Variants in PRRC2A observed in about 807,000 individuals in gnomAD.
PRRC2A encodes proline rich coiled-coil 2A.
A neutral mutation model predicts 224.6 loss-of-function variants in PRRC2A; 59 were observed. That is an observed-to-expected ratio of 0.26 (90% CI 0.21 to 0.33). The LOEUF is 0.33. Ranked by LOEUF, PRRC2A falls within the 10% of genes least tolerant of loss-of-function variation. The pLI is 1.00. For missense variants in PRRC2A, 3,095 were observed against 2,880.7 expected, an observed-to-expected ratio of 1.07 and a Z score of -1.70; for synonymous variants, 1,194 against 1,109.5, an observed-to-expected ratio of 1.08 and a Z score of -1.51.
intron 17 of PRRC2A, 36 bp from the exon 18 acceptor site, chr6:31,633,823 A>G: frequency 6.4e-7 from 1 of 1,559,382 alleles, no homozygotes; most frequent in South Asian, 1.2e-5. Flanking sequence ...TCAGTGGCAG[A>G]GCCAGGCAGA....
Position 31,625,830 on chromosome 6 carries a change from A to G in PRRC2A, c.798A>G (p.Gly266=). Residue 266 remains glycine, a synonymous_variant, in exon 8 of 31, where the codon GGA becomes GGG. Transcript: ENST00000376033. The surrounding 1 kb of genome is among the most constrained non-coding windows in gnomAD (Gnocchi z 4.1). ...PPYLPFPPPY[G]PQGPYRYPTP... ...ATCTCCCGTTCCCTCCGCCCTATGG[A>G]CCCCAGGGGCCTTACCGATACCCCA... is the stretch of plus-strand genomic sequence containing the variant. The G allele has an allele frequency of 6.3e-7, 1 of 1,590,886 alleles. No homozygotes were observed. Among genetic ancestry groups the G allele is most frequent in the Non-Finnish European group, 8.6e-7 (1 of 1,160,094 alleles).
chr6:31,637,410 C>G, intron 30 of PRRC2A, 36 bp from the exon 31 acceptor site: 3 of 1,602,542 alleles, frequency 1.9e-6, no homozygotes, highest in Non-Finnish European at 2.6e-6. Flanking sequence ...TGACCTCTCA[C>G]TGTGACTCAC....
chr6:31,635,102 C>G (rs1022862519), intron 21 of PRRC2A, 30 bp from the exon 22 acceptor site: 2 of 1,609,674 alleles, frequency 1.2e-6, no homozygotes, highest in South Asian at 1.1e-5. Context: ...TTTCCCTCCC[C>G]CAATGCACTT....
At position 31,632,733 on chromosome 6, in the gene PRRC2A, C is replaced by G; in HGVS notation, c.4060C>G (p.Pro1354Ala). ...GCTGACACCCAAGGCTGTGGGAACTCCTGGGGGAGGTGGAGGTGGAGCCGT... is the reference window on the plus strand; with the variant it reads ...GCTGACACCCAAGGCTGTGGGAACTGCTGGGGGAGGTGGAGGTGGAGCCGT... ...VLLTPKAVGTPGGGGGGAVPG... is the reference protein window; with the variant it reads ...VLLTPKAVGTAGGGGGGAVPG... The change falls in exon 16 of 31, where the codon CCT (proline) becomes GCT (alanine). Residue 1354 changes from proline (P) to alanine (A), a missense_variant. Physicochemically the swap from Pro to Ala is conservative, Grantham distance 27. Around this residue, in one of 8 missense-constraint regions of PRRC2A, gnomAD observed 2,001 missense variants for 1,764.9 expected, o/e 1.13. Transcript: ENST00000376033. 1 of 1,613,114 alleles carries G rather than the reference C, an allele frequency of 6.2e-7. No homozygotes were observed. Among genetic ancestry groups the G allele is most frequent in the Non-Finnish European group, 8.5e-7 (1 of 1,180,038 alleles).
chr6:31,632,567 A>G lies in PRRC2A; in HGVS notation c.3894A>G (p.Ala1298=). Residue 1298 remains alanine, a synonymous_variant, in exon 16 of 31, where the codon GCA becomes GCG. Coordinates refer to ENST00000376033, the MANE Select transcript of PRRC2A (RefSeq NM_004638.4). ...TCACAACAGTCACAGTGGCCCCAGC[A>G]CCTCGCCGGGCAGCTGCCAAGTCTC... ...EALTTVTVAP[A]PRRAAAKSPD... is the part of the protein sequence containing the mutation. 6.2e-7 allele frequency: 1 copy of G among 1,612,512 alleles called. No individual in the cohort carries two copies. The highest frequency in any genetic ancestry group is 2.2e-5 in the East Asian group (1 of 44,872).
Position 31,631,327 on chromosome 6 carries a change from C to T in PRRC2A, c.2654C>T (p.Pro885Leu), listed in dbSNP as rs576569336. 7.5e-6 allele frequency: 12 copies of T among 1,604,556 alleles called. No individual in the cohort carries two copies. In the African/African-American group the frequency reaches 9.4e-5, roughly 13 times the overall value. ...CAAACTCCACCACCCAAGAAGGAGC[C>T]CCCTAAGGAGGAGACTGCACAGCTG... ...KIQTPPPKKEPPKEETAQLTG... is the reference protein window; with the variant it reads ...KIQTPPPKKELPKEETAQLTG... The change falls in exon 16 of 31, where the codon CCC becomes CTC. Residue 885 changes from proline to leucine, a missense_variant. Physicochemically the swap from Pro to Leu is moderately conservative, Grantham distance 98 (BLOSUM62 -3). Around this residue, in one of 8 missense-constraint regions of PRRC2A, gnomAD observed 2,001 missense variants for 1,764.9 expected, o/e 1.13. Transcript: ENST00000376033. The surrounding 1 kb of genome is among the most constrained non-coding windows in gnomAD (Gnocchi z 4.5).
Position 31,633,434 on chromosome 6 carries a change from A to G in PRRC2A, c.4375A>G (p.Ser1459Gly). The change falls in exon 17 of 31, where the codon AGT becomes GGT. Residue 1459 changes from serine (S) to glycine (G), a missense_variant. Ser to Gly is a moderately conservative substitution (Grantham distance 56, BLOSUM62 0). Transcript: ENST00000376033. ...GLPLPPPPPS[S>G]SAVFRLDQVI... ...TCCCCTGCCTCCCCCACCTCCCAGCAGTTCTGCTGTCTTCCGCCTGGACCA... is the reference window on the plus strand; with the variant it reads ...TCCCCTGCCTCCCCCACCTCCCAGCGGTTCTGCTGTCTTCCGCCTGGACCA... 1.9e-6 allele frequency: 3 copies of G among 1,613,026 alleles called. No individual in the cohort carries two copies. The highest frequency in any genetic ancestry group is 2.5e-6 in the Non-Finnish European group (3 of 1,179,998).
At chr6:31,622,293 A>C (rs1775377768) in intron 1 of PRRC2A, among the ~76,000 whole-genome samples, 1 of 152,208 alleles carries the variant, frequency 6.6e-6, no homozygotes, top group Admixed American at 6.5e-5. Flanking sequence ...ATAAACAGGG[A>C]ATCTAAAGTG....
rs771204196 is a variant in PRRC2A at position 31,636,427 on chromosome 6, G to A, written c.5835+8G>A. On this transcript the variant is annotated splice_region_variant and intron_variant, in intron 26 of 30. Transcript: ENST00000376033. This position sits in a 1 kb window ranked among gnomAD's most constrained non-coding sequence, Gnocchi z 4.3. ...GACACATCGTTGCTTCAGGTAAGAG[G>A]GGGGCAGGTATTAGATATTGGGGGA... The A allele has an allele frequency of 1.9e-6, 3 of 1,612,854 alleles. No homozygotes were observed. The highest frequency in any genetic ancestry group is 2.5e-6 in the Non-Finnish European group (3 of 1,179,904).
chr6:31,636,097 C>T lies in PRRC2A; in HGVS notation c.5624+48C>T, dbSNP rs750679671. On this transcript the variant is annotated intron_variant, in intron 25 of 30. Transcript: ENST00000376033. This position sits in a 1 kb window ranked among gnomAD's most constrained non-coding sequence, Gnocchi z 4.3. ...CACAGAAGTACTTGGAGATGTGTTT[C>T]GGGGAGAGGGAAGGGGAAGACACAG... is the stretch of plus-strand genomic sequence containing the variant. 83 of 1,575,792 alleles carry T rather than the reference C, an allele frequency of 5.3e-5. No homozygotes were observed. Among genetic ancestry groups the T allele is most frequent in the East Asian group, 4.0e-4 (18 of 44,648 alleles).
In PRRC2A at chr6:31,624,519, G is replaced by A; in HGVS notation, c.460G>A (p.Asp154Asn). 1 of 1,610,984 alleles carries A rather than the reference G, an allele frequency of 6.2e-7. No homozygotes were observed. Among genetic ancestry groups the A allele is most frequent in the Non-Finnish European group, 8.5e-7 (1 of 1,177,146 alleles). ...QASVTHGAHG[D>N]GGRASSLLSR... ...CAGCGTCACCCATGGAGCACATGGA[G>A]ATGGTGAGTGCAGCACTTAATTGGG... Residue 154 changes from aspartate (D) to asparagine (N), a missense_variant, in exon 5 of 31, where the codon GAT becomes AAT. Asp to Asn is a conservative substitution (Grantham distance 23, BLOSUM62 1). Around this residue, in one of 8 missense-constraint regions of PRRC2A, gnomAD observed 287 missense variants for 275.3 expected, o/e 1.04. Coordinates refer to ENST00000376033, the MANE Select transcript of PRRC2A (RefSeq NM_004638.4).
Position 31,627,922 on chromosome 6 carries a change from G to T in PRRC2A, c.1448G>T (p.Arg483Leu). 6.2e-7 allele frequency: 1 copy of T among 1,613,000 alleles called. No individual in the cohort carries two copies. Among genetic ancestry groups the T allele is most frequent in the South Asian group, 1.1e-5 (1 of 91,086 alleles). Reference sequence around the variant, plus strand: ...GAGCGGCGCATGCAAGAAGAGCGCCGGGCAGCCTGTGCTGAGAAGCTCAAG... The same window carrying T: ...GAGCGGCGCATGCAAGAAGAGCGCCTGGCAGCCTGTGCTGAGAAGCTCAAG... ...EEERRMQEER[R>L]AACAEKLKRL... The change falls in exon 12 of 31, where the codon CGG becomes CTG. Residue 483 changes from arginine (R) to leucine (L), a missense_variant. Coordinates refer to ENST00000376033, the MANE Select transcript of PRRC2A (RefSeq NM_004638.4). This position sits in a 1 kb window ranked among gnomAD's most constrained non-coding sequence, Gnocchi z 5.6.
Position 31,637,770 on chromosome 6 carries a change from A to C in PRRC2A, c.*184A>C. 2.3e-6 allele frequency: 1 copy of C among 432,752 alleles called. No homozygotes were observed. The highest frequency in any genetic ancestry group is 3.5e-5 in the East Asian group (1 of 28,550). 26.8% of individuals were successfully genotyped at this position (432,752 alleles called of 1,614,324 possible). A position where few individuals can be genotyped will look rare whatever the true frequency, so the allele number is the denominator to read the frequency against. On this transcript the variant is annotated 3_prime_UTR_variant, in exon 31 of 31. Coordinates refer to ENST00000376033, the MANE Select transcript of PRRC2A (RefSeq NM_004638.4). ...AGTAATAAAAGGATTTAAAAAAAAA[A>C]ACTTCTACAATGATTTGGGGGATGA... is the stretch of plus-strand genomic sequence containing the variant.
chr6:31,632,789 T>A lies in PRRC2A; in HGVS notation c.4116T>A (p.Asp1372Glu). 2 of 1,613,034 alleles carry A rather than the reference T, an allele frequency of 1.2e-6. No homozygotes were observed. Among genetic ancestry groups the A allele is most frequent in the Non-Finnish European group, 1.7e-6 (2 of 1,179,994 alleles). ...GTATTTCAGCCATGTCCCGCGGAGA[T>A]CTGAGCCAGAGAGCCAAGGATTTGA... ...VPGISAMSRG[D>E]LSQRAKDLSK... Residue 1372 changes from aspartate (D) to glutamate (E), a missense_variant, in exon 16 of 31, where the codon GAT becomes GAA. Around this residue, in one of 8 missense-constraint regions of PRRC2A, gnomAD observed 2,001 missense variants for 1,764.9 expected, o/e 1.13. Coordinates refer to ENST00000376033, the MANE Select transcript of PRRC2A (RefSeq NM_004638.4).
In PRRC2A at chr6:31,632,369, G is replaced by T. The variant is rs764973335; in HGVS notation, c.3696G>T (p.Val1232=). ...GAGGCAGCAATGGAGGTAGCAATGTGGGCATGGAAGATGGGGAGCGACCCC... is the reference window on the plus strand; with the variant it reads ...GAGGCAGCAATGGAGGTAGCAATGTTGGCATGGAAGATGGGGAGCGACCCC... The part of the protein sequence containing the change: ...ARGGSNGGSN[V]GMEDGERPRR... Residue 1232 remains valine (V), a synonymous_variant, in exon 16 of 31, where the codon GTG becomes GTT. Transcript: ENST00000376033. The T allele has an allele frequency of 2.5e-6, 4 of 1,612,888 alleles. No homozygotes were observed. The South Asian group carries it at 4.4e-5, about 18-fold the overall frequency.
Position 31,632,545 on chromosome 6 carries a change from C to A in PRRC2A, c.3872C>A (p.Thr1291Lys), listed in dbSNP as rs143791889. 3 of 1,611,296 alleles carry A rather than the reference C, an allele frequency of 1.9e-6. No individual in the cohort carries two copies. ...GCTCCTGGACCTGAGGAGGCCCTCACAACAGTCACAGTGGCCCCAGCACCT... is the reference window on the plus strand; with the variant it reads ...GCTCCTGGACCTGAGGAGGCCCTCAAAACAGTCACAGTGGCCCCAGCACCT... Reference protein sequence around the residue: ...ASAPGPEEALTTVTVAPAPRR... With the variant: ...ASAPGPEEALKTVTVAPAPRR... The change falls in exon 16 of 31, where the codon ACA (threonine) becomes AAA (lysine). Residue 1291 changes from threonine (T) to lysine (K), a missense_variant. Thr to Lys is a moderately conservative substitution (Grantham distance 78, BLOSUM62 -1). Around this residue, in one of 8 missense-constraint regions of PRRC2A, gnomAD observed 2,001 missense variants for 1,764.9 expected, o/e 1.13. Coordinates refer to ENST00000376033, the MANE Select transcript of PRRC2A (RefSeq NM_004638.4).
In PRRC2A at chr6:31,630,133, G is replaced by A. The variant is rs537039887; in HGVS notation, c.2254+288G>A. Among the ~76,000 whole-genome samples, 67 of 152,216 alleles carry A rather than the reference G, an allele frequency of 4.4e-4. 1 individual carries two copies. The highest frequency in any genetic ancestry group is 1.3e-3 in the African/African-American group (56 of 41,528). On this transcript the variant is annotated intron_variant, in intron 14 of 30. Transcript: ENST00000376033. ...GGAGTTCGAGACCACCATGGCTAAC[G>A]TGGTAAAACCCCATTTCTACTAAAA... is the stretch of plus-strand genomic sequence containing the variant.
At chr6:31,635,506 C>G (rs765073576) in intron 23 of PRRC2A, 41 bp downstream of exon 23, 1 of 1,612,212 alleles carries the variant, frequency 6.2e-7, no homozygotes, top group Admixed American at 1.7e-5. Flanking sequence ...CCCAAGATTT[C>G]TGGGGAAGAT....
chr6:31,625,937 T>G lies in PRRC2A; in HGVS notation c.839+66T>G. The G allele has an allele frequency of 6.3e-7, 1 of 1,588,682 alleles. No individual in the cohort carries two copies. The highest frequency in any genetic ancestry group is 8.6e-7 in the Non-Finnish European group (1 of 1,161,970). On this transcript the variant is annotated intron_variant, in intron 8 of 30. Coordinates refer to ENST00000376033, the MANE Select transcript of PRRC2A (RefSeq NM_004638.4). The surrounding 1 kb of genome is among the most constrained non-coding windows in gnomAD (Gnocchi z 4.1). ...AAGCTTATTGGGGGAGGAGATGGTT[T>G]TCTAGCCAGGAGGCTCAGTCTAGGA... is the stretch of plus-strand genomic sequence containing the variant.
Sources: gnomAD v4.1 joint callset for allele counts (sites outside exome capture counted in the v4.1 genomes callset) on GRCh38, gnomAD v4.1.1 for gene constraint, gnomAD v4.1.1 regional missense constraint, Gnocchi (gnomAD v3.1) non-coding constraint, MANE v1.5 for transcripts, NCBI Gene and HGNC (gene_info 2026-07-23, HGNC 2026-07-21) for gene names.